PDE11A: variants seen among roughly 807,000 people sequenced by gnomAD.
PDE11A encodes the protein dual 3',5'-cyclic-AMP and -GMP phosphodiesterase 11A.
In PDE11A, 100 loss-of-function variants were observed where a neutral mutation model predicts 100.5. That is an observed-to-expected ratio of 1.00 (90% CI 0.85 to 1.18). The LOEUF (loss-of-function observed/expected upper bound fraction) is 1.18. PDE11A is among the 50% of genes most tolerant of loss of function. PDE11A has a pLI of 0.00. For synonymous variants in PDE11A, 381 were observed against 420.8 expected (o/e 0.91, Z 1.16); for missense variants, 1,141 against 1,152.6 (o/e 0.99, Z 0.15).
chr2:177,720,649 T>C (rs2081513132), intron 12 of PDE11A, among the ~76,000 whole-genome samples: 1 of 152,112 alleles, frequency 6.6e-6, no homozygotes, highest in Non-Finnish European at 1.5e-5. Context: ...TTTACCAGAG[T>C]ATGCAATGTA....
chr2:178,016,871 G>T (rs1041645467), intron 1 of PDE11A, among the ~76,000 whole-genome samples: 22 of 152,174 alleles, frequency 1.4e-4, no homozygotes, highest in Non-Finnish European at 2.9e-5. Context: ...GTGACCAAAT[G>T]GTGCCAAGTC....
chr2:177,748,172 C>A (rs187737089), intron 10 of PDE11A, among the ~76,000 whole-genome samples: 1 of 152,054 alleles, frequency 6.6e-6, no homozygotes, highest in Non-Finnish European at 1.5e-5. Flanking sequence ...CATGGAAACA[C>A]GTTTAATAAA....
chr2:177,637,041 T>C (rs2080049089), intron 19 of PDE11A, among the ~76,000 whole-genome samples: 1 of 152,228 alleles, frequency 6.6e-6, no homozygotes, highest in South Asian at 2.1e-4. Flanking sequence ...ACCTCCTTTT[T>C]CTGAAGACAT....
At chr2:178,086,364 C>G (rs1472173948) in intron 2 of PDE11A, among the ~76,000 whole-genome samples, 1 of 152,132 alleles carries the variant, frequency 6.6e-6, no homozygotes, top group Non-Finnish European at 1.5e-5. Context: ...TACACAAAGG[C>G]ATGAATAGCT....
At chr2:177,927,725 A>C (rs554859207) in intron 2 of PDE11A, among the ~76,000 whole-genome samples, 3 of 152,366 alleles carry the variant, frequency 2.0e-5, no homozygotes, top group South Asian at 2.1e-4. Flanking sequence ...AACTGCTTTC[A>C]TAAAGCAAAA....
At position 178,072,118 on chromosome 2, in the gene PDE11A, C is replaced by A. The variant is rs1345884022; in HGVS notation, c.320G>T (p.Arg107Met). 6.2e-7 allele frequency: 1 copy of A among 1,614,122 alleles called. No homozygotes were observed. ...PLSPSWAGGSRGDGNLQRRAS... is the reference protein window; with the variant it reads ...PLSPSWAGGSMGDGNLQRRAS... ...TCTCCGCTGCAGGTTCCCATCGCCC[C>A]TGCTGCCACCGGCCCAGCTGGGACT... Residue 107 changes from arginine to methionine, a missense_variant, in exon 1 of 20, where the codon AGG (arginine) becomes ATG (methionine). Arg to Met is a moderately conservative substitution (Grantham distance 91). Transcript: ENST00000286063.
At chr2:177,863,831 C>T (rs1574229306) in intron 5 of PDE11A, among the ~76,000 whole-genome samples, 1 of 152,124 alleles carries the variant, frequency 6.6e-6, no homozygotes, top group African/African-American at 2.4e-5. Flanking sequence ...AGCAACCCCT[C>T]TTCTGGATAC....
rs1471698458 is a variant in PDE11A at position 177,828,881 on chromosome 2, TA to T, written c.1501-8587del. ...AGAGTGTGTGAGCAGAGTTGTAACA[TA>T]ACTTAAAATTTAATAGCCTCTGACT... On this transcript the variant is annotated intron_variant, in intron 6 of 19. Coordinates refer to ENST00000286063, the MANE Select transcript of PDE11A (RefSeq NM_016953.4). Among the ~76,000 whole-genome samples, 3 of 152,154 alleles carry T rather than the reference TA, an allele frequency of 2.0e-5. No homozygotes were observed. The East Asian group carries it at 5.8e-4, about 29-fold the overall frequency.
At chr2:177,947,791 AAT>A (rs929816399) in intron 2 of PDE11A, among the ~76,000 whole-genome samples, 1 of 290 alleles carries the variant, frequency 3.4e-3, no homozygotes, top group Non-Finnish European at 0.014. Context: ...AAAATAAAAA[AAT>A]AAAAAAAAAA....
intron 5 of PDE11A, among the ~76,000 whole-genome samples, chr2:177,844,562 A>C (rs1449595950): frequency 6.8e-6 from 1 of 147,098 alleles, no homozygotes; most frequent in Non-Finnish European, 1.5e-5. Context: ...TTTTTTATTG[A>C]TAATTCTTGG....
chr2:177,827,719 A>G (rs1407248827), intron 6 of PDE11A, among the ~76,000 whole-genome samples: 1 of 152,248 alleles, frequency 6.6e-6, no homozygotes, highest in African/African-American at 2.4e-5. Flanking sequence ...AGTGCAACTA[A>G]CTACAGAAAA....
intron 2 of PDE11A, among the ~76,000 whole-genome samples, chr2:177,961,236 G>A (rs1353754397): frequency 2.0e-5 from 3 of 151,902 alleles, no homozygotes. Context: ...TGTCCCAGAA[G>A]AGAATGTGAA....
At chr2:177,690,142 G>A (rs1472144559) in intron 15 of PDE11A, among the ~76,000 whole-genome samples, 1 of 152,136 alleles carries the variant, frequency 6.6e-6, no homozygotes, top group Non-Finnish European at 1.5e-5. Flanking sequence ...GATATGGAAT[G>A]AGTATATGGA....
chr2:177,824,851 A>C (rs1245721541), intron 6 of PDE11A, among the ~76,000 whole-genome samples: 1 of 152,220 alleles, frequency 6.6e-6, no homozygotes, highest in Non-Finnish European at 1.5e-5. Context: ...AATAGTGTAC[A>C]TGCCTATGGG....
intron 12 of PDE11A, among the ~76,000 whole-genome samples, chr2:177,725,637 T>C (rs974351841): frequency 6.6e-6 from 1 of 152,140 alleles, no homozygotes; most frequent in African/African-American, 2.4e-5. Context: ...CCTGGAAATA[T>C]TCTGACGATA....
intron 1 of PDE11A, among the ~76,000 whole-genome samples, chr2:178,034,543 AC>A (rs1574356554): frequency 1.3e-5 from 2 of 152,058 alleles, no homozygotes; most frequent in East Asian, 3.8e-4. Flanking sequence ...CATCTACAGA[AC>A]TCTCCACCCC....
At chr2:178,073,011 C>T (rs1033498967), upstream of PDE11A, 53 of 985,188 alleles carry the variant, frequency 5.4e-5, no homozygotes, top group Non-Finnish European at 6.4e-5. Flanking sequence ...CTTGTTCCTT[C>T]CCCGCTTCTT....
chr2:178,022,367 G>T (rs1238371560), intron 1 of PDE11A, among the ~76,000 whole-genome samples: 1 of 152,176 alleles, frequency 6.6e-6, no homozygotes, highest in Non-Finnish European at 1.5e-5. Flanking sequence ...AGATTCTGGG[G>T]AATATGAGTT....
At chr2:177,909,100 A>T (rs1214152503) in intron 2 of PDE11A, among the ~76,000 whole-genome samples, 1 of 152,148 alleles carries the variant, frequency 6.6e-6, no homozygotes, top group Non-Finnish European at 1.5e-5. Context: ...CATCTAGCAA[A>T]TGTCACTTTC....
Sources: allele counts gnomAD v4.1 joint callset (sites outside exome capture counted in the v4.1 genomes callset), GRCh38; gene constraint gnomAD v4.1.1; transcripts MANE v1.5; gene names NCBI Gene and HGNC (gene_info 2026-07-23, HGNC 2026-07-21).